Variants in MYH11 observed in about 807,000 individuals in gnomAD.
MYH11 encodes the protein myosin heavy chain 11.
Under a neutral mutation model 246.6 loss-of-function variants are expected in MYH11, and 80 were observed. The ratio of observed to expected loss-of-function variants is 0.32; its 90% confidence interval spans 0.27 to 0.39. MYH11 has a LOEUF of 0.39. Ranked by LOEUF, MYH11 falls within the 10% of genes least tolerant of loss-of-function variation. The probability of loss-of-function intolerance (pLI) is 1.00; values close to 1 mark genes in which losing one functional copy is unlikely to be tolerated. For missense variants in MYH11, 2,158 were observed against 2,546.8 expected (o/e 0.85, Z 3.29); for synonymous variants, 1,071 against 1,015.5 (o/e 1.05, Z -1.04).
chr16:15,724,472 C>A (rs1004294616), intron 30 of MYH11, 63 bp from the exon 31 acceptor site: 4 of 1,610,050 alleles, frequency 2.5e-6, no homozygotes, highest in Non-Finnish European at 3.4e-6. Context: ...GTCCCTGGCC[C>A]CACAGACTCT....
At position 15,753,394 on chromosome 16, in the gene MYH11, C is replaced by T. The variant is rs1340696910; in HGVS notation, c.1864G>A (p.Val622Met). Residue 622 changes from valine to methionine, a missense_variant and splice_region_variant, in exon 15 of 41, where the codon GTG becomes ATG. This residue lies in a region of MYH11 where 317 missense variants were observed against 507.7 expected (regional missense o/e 0.62). Coordinates refer to ENST00000300036, the MANE Select transcript of MYH11 (RefSeq NM_002474.3). ...TGGACCCGAGCAGAGAAGGCCTTAC[C>T]GTCCTTCCACAGGTCGGCCACAAAC... ...DKFVADLWKD[V>M]DRIVGLDQMA... The T allele has an allele frequency of 2.5e-6, 4 of 1,612,744 alleles. No homozygotes were observed. Among genetic ancestry groups the T allele is most frequent in the Non-Finnish European group, 3.4e-6 (4 of 1,178,758 alleles).
At chr16:15,709,069 A>C (rs999801832) in intron 40 of MYH11, among the ~76,000 whole-genome samples, 5 of 151,940 alleles carry the variant, frequency 3.3e-5, no homozygotes, top group African/African-American at 9.7e-5. Flanking sequence ...CAGCCTCCCG[A>C]GTAGCTGGGA....
chr16:15,812,984 C>T (rs998613493), intron 3 of MYH11, among the ~76,000 whole-genome samples: 12 of 152,314 alleles, frequency 7.9e-5, no homozygotes, highest in Non-Finnish European at 5.9e-5. Flanking sequence ...CTGGTCAACA[C>T]GGTGAAACAC....
chr16:15,831,804 T>G (rs1051721248), intron 2 of MYH11, among the ~76,000 whole-genome samples: 1 of 151,962 alleles, frequency 6.6e-6, no homozygotes, highest in Non-Finnish European at 1.5e-5. Flanking sequence ...CTGGGCGTGG[T>G]GGCATGTGCC....
chr16:15,741,562 C>T lies in MYH11; in HGVS notation c.2760G>A (p.Leu920=). The T allele has an allele frequency of 1.9e-6, 3 of 1,611,510 alleles. No individual in the cohort carries two copies. Among genetic ancestry groups the T allele is most frequent in the South Asian group, 1.1e-5 (1 of 91,088 alleles). ...CCTCCATCTCATGCAGTATCTCCTC[C>T]AGCTCCTGCTTCTTGGCCGCCAGCC... ...RVRLAAKKQE[L]EEILHEMEAR... Residue 920 remains leucine, a synonymous_variant, in exon 22 of 41, where the codon CTG becomes CTA. Transcript: ENST00000300036.
Position 15,748,146 on chromosome 16 carries a change from A to G in MYH11, c.2081T>C (p.Leu694Pro). The G allele has an allele frequency of 6.2e-7, 1 of 1,614,030 alleles. No homozygotes were observed. Among genetic ancestry groups the G allele is most frequent in the Non-Finnish European group, 8.5e-7 (1 of 1,180,044 alleles). The change falls in exon 17 of 41, where the codon CTG becomes CCG. Residue 694 changes from leucine (L) to proline (P), a missense_variant. Around this residue, in one of 11 missense-constraint regions of MYH11, gnomAD observed 317 missense variants for 507.7 expected, o/e 0.62. Coordinates refer to ENST00000300036, the MANE Select transcript of MYH11 (RefSeq NM_002474.3). ...ATTGCACCGCAGCTGCTCCAGCACC[A>G]GGAACGCATCCAGCTTGCCGGACTG... Reference protein sequence around the residue: ...EKRSGKLDAFLVLEQLRCNGV... With the variant: ...EKRSGKLDAFPVLEQLRCNGV...
At chr16:15,822,756 T>C (rs1451245179) in intron 3 of MYH11, among the ~76,000 whole-genome samples, 1 of 152,042 alleles carries the variant, frequency 6.6e-6, no homozygotes. Context: ...CGTATAAACA[T>C]GAAAGTAATA....
At chr16:15,795,085 A>G (rs2042713120) in intron 4 of MYH11, among the ~76,000 whole-genome samples, 1 of 150,882 alleles carries the variant, frequency 6.6e-6, no homozygotes, top group African/African-American at 2.4e-5. Flanking sequence ...AGGTGGGTGG[A>G]TCACCTGAGA....
chr16:15,729,316 T>G (rs984121112), intron 27 of MYH11, among the ~76,000 whole-genome samples: 1 of 152,094 alleles, frequency 6.6e-6, no homozygotes, highest in Admixed American at 6.6e-5. Context: ...TTCAAGTTGT[T>G]AGAGGCAAAG....
intron 31 of MYH11, among the ~76,000 whole-genome samples, chr16:15,722,970 C>T (rs1315375110): frequency 6.6e-6 from 1 of 152,146 alleles, no homozygotes; most frequent in African/African-American, 2.4e-5. Context: ...TCTCAAACCC[C>T]TGACCTCAAG....
At chr16:15,796,887 T>C (rs2042753710) in intron 4 of MYH11, among the ~76,000 whole-genome samples, 1 of 152,226 alleles carries the variant, frequency 6.6e-6, no homozygotes, top group African/African-American at 2.4e-5. Flanking sequence ...TTAGCATTTA[T>C]ATCCTCATAG....
chr16:15,797,744 G>A (rs75985800), intron 4 of MYH11, among the ~76,000 whole-genome samples: 5,101 of 151,892 alleles, frequency 0.034, 259 homozygotes, highest in African/African-American at 0.12. Flanking sequence ...AGGAAAATTC[G>A]ATTCCCCCAA....
At chr16:15,824,833 G>A (rs1015107938) in intron 2 of MYH11, among the ~76,000 whole-genome samples, 1 of 152,134 alleles carries the variant, frequency 6.6e-6, no homozygotes, top group African/African-American at 2.4e-5. Context: ...GATGGCAGAG[G>A]CATCTCCTCG....
At chr16:15,845,724 A>AGAGAG (rs35884441) in intron 1 of MYH11, among the ~76,000 whole-genome samples, 5 of 151,412 alleles carry the variant, frequency 3.3e-5, no homozygotes, top group Non-Finnish European at 7.4e-5. Context: ...GAGAGAGAGA[A>AGAGAG]AAAGAAGGAG....
intron 4 of MYH11, chr16:15,790,955 C>CTTTTTTTT (rs770852667): frequency 5.9e-5 from 7 of 118,224 alleles, no homozygotes; most frequent in Middle Eastern, 4.9e-3. Flanking sequence ...TTTTTCTTTT[C>CTTTTTTTT]TTTTTTTTTT....
At chr16:15,720,435 C>T (rs2040406240) in intron 33 of MYH11, 123 bp from the exon 34 acceptor site, 2 of 1,328,516 alleles carry the variant, frequency 1.5e-6, no homozygotes, top group Admixed American at 4.0e-5. Context: ...GGCATCTCAT[C>T]CCCAGTTGCA....
At chr16:15,777,244 C>G (rs2042243629) in intron 7 of MYH11, among the ~76,000 whole-genome samples, 1 of 152,146 alleles carries the variant, frequency 6.6e-6, no homozygotes, top group Admixed American at 6.5e-5. Context: ...GCCTCAGCCT[C>G]CTGAGTAGCT....
chr16:15,724,669 T>C lies in MYH11; in HGVS notation c.4094A>G (p.His1365Arg), dbSNP rs138730904. ...CACCTGGATGTTGAGAGTGGAGATGTGGCGCTCCAGGTTCTGCTTGGCCTC... is the reference window on the plus strand; with the variant it reads ...CACCTGGATGTTGAGAGTGGAGATGCGGCGCTCCAGGTTCTGCTTGGCCTC... Reference protein sequence around the residue: ...EMEAKQNLERHISTLNIQLSD... With the variant: ...EMEAKQNLERRISTLNIQLSD... The change falls in exon 30 of 41, where the codon CAC becomes CGC. Residue 1365 changes from histidine to arginine, a missense_variant. By Grantham distance (29) the His-to-Arg change is conservative. Around this residue, in one of 11 missense-constraint regions of MYH11, gnomAD observed 1,013 missense variants for 993.5 expected, o/e 1.02. Coordinates refer to ENST00000300036, the MANE Select transcript of MYH11 (RefSeq NM_002474.3). 2 of 1,614,054 alleles carry C rather than the reference T, an allele frequency of 1.2e-6. No homozygotes were observed. Among genetic ancestry groups the C allele is most frequent in the African/African-American group, 2.7e-5 (2 of 74,934 alleles).
At chr16:15,720,780 T>G in intron 33 of MYH11, 59 bp downstream of exon 33, 2 of 1,521,462 alleles carry the variant, frequency 1.3e-6, no homozygotes, top group Non-Finnish European at 1.8e-6. Flanking sequence ...ATGAGAGTGG[T>G]GATAGGAATG....
Sources: gnomAD v4.1 joint callset for allele counts (sites outside exome capture counted in the v4.1 genomes callset) on GRCh38, gnomAD v4.1.1 for gene constraint, gnomAD v4.1.1 regional missense constraint, MANE v1.5 for transcripts, NCBI Gene and HGNC (gene_info 2026-07-23, HGNC 2026-07-21) for gene names.